The following GTF2H1 variants were observed in gnomAD, a reference collection of about 807,000 sequenced individuals.
The protein encoded by GTF2H1 is general transcription factor IIH subunit 1.
A neutral mutation model predicts 71.2 loss-of-function variants in GTF2H1; 16 were observed. The ratio of observed to expected loss-of-function variants is 0.22; its 90% CI spans 0.15 to 0.34. GTF2H1 has a LOEUF of 0.34. GTF2H1 is among the 10% of genes least tolerant of loss of function. GTF2H1 has a pLI of 1.00. For missense variants in GTF2H1, 498 were observed against 648.2 expected, an observed-to-expected ratio of 0.77 and a Z score of 2.52; for synonymous variants, 215 against 219.0, an observed-to-expected ratio of 0.98 and a Z score of 0.16.
At chr11:18,339,501 C>A in intron 4 of GTF2H1, 63 bp from the exon 5 acceptor site, 1 of 1,140,122 alleles carries the variant, frequency 8.8e-7, no homozygotes, top group Non-Finnish European at 1.3e-6. Flanking sequence ...CCAGTGTCCA[C>A]TGGGACCTGA....
chr11:18,324,615 C>T (rs1281595980), intron 1 of GTF2H1, among the ~76,000 whole-genome samples: 2 of 152,186 alleles, frequency 1.3e-5, no homozygotes, highest in Non-Finnish European at 2.9e-5. Context: ...GCTTTCCTAG[C>T]ATTTTGGCCA....
intron 8 of GTF2H1, 52 bp downstream of exon 8, chr11:18,347,767 T>C: frequency 6.3e-7 from 1 of 1,597,480 alleles, no homozygotes; most frequent in Non-Finnish European, 8.5e-7. Context: ...GATATCCAGA[T>C]GGAGTTGTGG....
intron 12 of GTF2H1, 63 bp downstream of exon 12, chr11:18,358,105 G>T: frequency 9.2e-7 from 1 of 1,083,340 alleles, no homozygotes; most frequent in African/African-American, 1.6e-5. Flanking sequence ...CAAGCTGGGA[G>T]GAGTGCTGAA....
chr11:18,327,758 T>A (rs2133951390), intron 1 of GTF2H1, among the ~76,000 whole-genome samples: 1 of 152,310 alleles, frequency 6.6e-6, no homozygotes, highest in East Asian at 1.9e-4. Context: ...CCAGCTAATT[T>A]TTATAGTTTT....
chr11:18,362,404 T>C (rs1417388726), intron 14 of GTF2H1, among the ~76,000 whole-genome samples: 1 of 152,202 alleles, frequency 6.6e-6, no homozygotes, highest in African/African-American at 2.4e-5. Context: ...TTACTAACAC[T>C]GTACACTTAG....
chr11:18,356,354 G>A (rs965014318), intron 11 of GTF2H1, among the ~76,000 whole-genome samples: 5 of 149,516 alleles, frequency 3.3e-5, no homozygotes, highest in Admixed American at 2.7e-4. Context: ...CTCCAGCCTG[G>A]GCAATAGAGT....
intron 7 of GTF2H1, chr11:18,347,233 G>A (rs1045832501): frequency 2.9e-5 from 5 of 170,182 alleles, no homozygotes; most frequent in Non-Finnish European, 6.3e-5. Context: ...TATTAGCCGG[G>A]CGTGGTGGCA....
chr11:18,330,076 T>C (rs1864859536), intron 1 of GTF2H1, among the ~76,000 whole-genome samples: 1 of 152,230 alleles, frequency 6.6e-6, no homozygotes, highest in African/African-American at 2.4e-5. Context: ...TAAATGGGTG[T>C]GTACTATAGT....
chr11:18,363,885 C>T lies in GTF2H1; in HGVS notation c.1561-1898C>T, dbSNP rs571435547. Among the ~76,000 whole-genome samples the T allele has an allele frequency of 4.6e-5, 7 of 152,034 alleles. No homozygotes were observed. In the East Asian group the frequency reaches 1.4e-3, roughly 29 times the overall value. ...GTCAAGAGTTCGAGACCAGCCTGGC[C>T]AACACAGTGAAACCCCATCTCTACT... is the stretch of plus-strand genomic sequence containing the variant. On this transcript the variant is annotated intron_variant, in intron 14 of 14. Coordinates refer to ENST00000265963, the MANE Select transcript of GTF2H1 (RefSeq NM_005316.4).
chr11:18,349,645 T>C (rs1865381426), intron 9 of GTF2H1, among the ~76,000 whole-genome samples: 1 of 152,146 alleles, frequency 6.6e-6, no homozygotes, highest in African/African-American at 2.4e-5. Flanking sequence ...ATCGCGTCGC[T>C]GCACTCCAGC....
chr11:18,337,260 G>A (rs1219398705), intron 3 of GTF2H1, among the ~76,000 whole-genome samples: 8 of 151,880 alleles, frequency 5.3e-5, no homozygotes, highest in East Asian at 3.9e-4. Flanking sequence ...GAAACTCCAC[G>A]TCTACTAAAA....
At chr11:18,348,039 A>G in intron 9 of GTF2H1, 120 bp downstream of exon 9, 1 of 769,960 alleles carries the variant, frequency 1.3e-6, no homozygotes, top group Non-Finnish European at 2.3e-6. Context: ...GATGTTAAGC[A>G]TTTGGCTTAA....
intron 1 of GTF2H1, among the ~76,000 whole-genome samples, chr11:18,324,732 C>T (rs1010014163): frequency 3.5e-5 from 5 of 142,634 alleles, no homozygotes; most frequent in Admixed American, 1.4e-4. Flanking sequence ...CTAGTAGTTC[C>T]TCTTTTCACC....
intron 11 of GTF2H1, among the ~76,000 whole-genome samples, chr11:18,354,558 A>C (rs1400380903): frequency 1.3e-5 from 2 of 152,156 alleles, no homozygotes; most frequent in Non-Finnish European, 2.9e-5. Context: ...CAGCCTTCTG[A>C]GTAGCTGGGA....
chr11:18,328,809 G>A (rs1352683546), intron 1 of GTF2H1, among the ~76,000 whole-genome samples: 1 of 151,628 alleles, frequency 6.6e-6, no homozygotes, highest in African/African-American at 2.4e-5. Flanking sequence ...CTGGGTGACA[G>A]TGAGACTCCA....
intron 1 of GTF2H1, among the ~76,000 whole-genome samples, chr11:18,328,823 C>CA (rs1014351335): frequency 2.7e-3 from 346 of 127,850 alleles, no homozygotes; most frequent in African/African-American, 6.9e-3. Flanking sequence ...GACTCCATCT[C>CA]AAAAAAAAAA....
intron 2 of GTF2H1, chr11:18,333,434 A>ATG: frequency 7.7e-6 from 3 of 390,260 alleles, no homozygotes; most frequent in Non-Finnish European, 1.4e-5. Flanking sequence ...ATAATATGTA[A>ATG]ATCTACCTGA....
chr11:18,366,086 C>T lies in GTF2H1; in HGVS notation c.*217C>T. ...CTGGGGAGGTAAATTAAGACAGAAC[C>T]AAATGAGCTAAGTTGCAAATATATA... On this transcript the variant is annotated 3_prime_UTR_variant, in exon 15 of 15. Coordinates refer to ENST00000265963, the MANE Select transcript of GTF2H1 (RefSeq NM_005316.4). 1.8e-6 allele frequency: 1 copy of T among 562,354 alleles called. No homozygotes were observed. The highest frequency in any genetic ancestry group is 1.9e-5 in the African/African-American group (1 of 53,402). 34.8% of individuals were successfully genotyped at this position (562,354 alleles called of 1,614,324 possible).
chr11:18,362,208 G>A (rs4150675), intron 14 of GTF2H1, among the ~76,000 whole-genome samples: 6,111 of 152,062 alleles, frequency 0.04, 292 homozygotes, highest in East Asian at 0.26. Flanking sequence ...TTAACACAAT[G>A]GTATGTGTGT....
Sources: gnomAD v4.1 joint callset for allele counts (sites outside exome capture counted in the v4.1 genomes callset) on GRCh38, gnomAD v4.1.1 for gene constraint, MANE v1.5 for transcripts, NCBI Gene and HGNC (gene_info 2026-07-23, HGNC 2026-07-21) for gene names.